CRYL1: variants seen among roughly 807,000 people sequenced by gnomAD.
CRYL1 encodes lambda-crystallin homolog.
In CRYL1, 29 loss-of-function variants were observed where a neutral mutation model predicts 36.6. The observed-to-expected ratio is 0.79, with a 90% CI of 0.59 to 1.08. CRYL1 has a LOEUF of 1.08. Among genes scored for constraint, CRYL1 ranks in the 50% least tolerant of loss-of-function variants. The pLI, the probability that CRYL1 is intolerant of heterozygous loss-of-function variation, is 0.00. For missense variants in CRYL1, 411 were observed against 407.9 expected, an observed-to-expected ratio of 1.01 and a Z score of -0.06; for synonymous variants, 152 against 151.5, an observed-to-expected ratio of 1.00 and a Z score of -0.02.
intron 4 of CRYL1, among the ~76,000 whole-genome samples, chr13:20,439,131 C>T (rs1247595166): frequency 6.6e-6 from 1 of 152,278 alleles, no homozygotes; most frequent in East Asian, 1.9e-4. Context: ...ACCAACCCTA[C>T]TCTGAATTGT....
At chr13:20,467,689 C>T (rs1453534231) in intron 3 of CRYL1, among the ~76,000 whole-genome samples, 1 of 152,166 alleles carries the variant, frequency 6.6e-6, no homozygotes, top group Non-Finnish European at 1.5e-5. Flanking sequence ...GGCGTGGTGG[C>T]ACGCGCCTGT....
At chr13:20,405,512 C>G (rs1311625786) in intron 6 of CRYL1, among the ~76,000 whole-genome samples, 1 of 152,258 alleles carries the variant, frequency 6.6e-6, no homozygotes, top group Non-Finnish European at 1.5e-5. Flanking sequence ...ACTTATGTCA[C>G]TGTTAGACCA....
rs762701216 is a variant in CRYL1, at chr13:20,432,279, G to A, written c.456C>T (p.Tyr152=). ...IVAHPVNPPY[Y]IPLVELVPHP... ...GGGGGACCAGCTCAACCAGCGGGATGTAGTATGGCGGATTCACCTTAGGAG... is the reference window on the plus strand; with the variant it reads ...GGGGGACCAGCTCAACCAGCGGGATATAGTATGGCGGATTCACCTTAGGAG... Residue 152 remains tyrosine, a synonymous_variant, in exon 5 of 8, where the codon TAC becomes TAT. Transcript: ENST00000298248. 1.2e-5 allele frequency: 20 copies of A among 1,612,214 alleles called. No homozygotes were observed. In the South Asian group the frequency reaches 1.4e-4, roughly 12 times the overall value.
At chr13:20,455,231 C>T (rs1162001139) in intron 3 of CRYL1, among the ~76,000 whole-genome samples, 1 of 152,176 alleles carries the variant, frequency 6.6e-6, no homozygotes, top group Non-Finnish European at 1.5e-5. Flanking sequence ...AAAAAAATGC[C>T]TTAAATATGC....
chr13:20,497,994 T>A (rs1298502658), intron 2 of CRYL1, among the ~76,000 whole-genome samples: 1 of 151,572 alleles, frequency 6.6e-6, no homozygotes, highest in African/African-American at 2.4e-5. Flanking sequence ...ATTGAACTTA[T>A]CACATTTTTG....
chr13:20,441,493 G>C (rs2032350346), intron 3 of CRYL1, among the ~76,000 whole-genome samples: 1 of 152,184 alleles, frequency 6.6e-6, no homozygotes, highest in Non-Finnish European at 1.5e-5. Flanking sequence ...AAGGTGCCCT[G>C]ACGGGAAATG....
intron 3 of CRYL1, among the ~76,000 whole-genome samples, chr13:20,456,011 G>C (rs187312046): frequency 1.8e-3 from 280 of 152,274 alleles, no homozygotes; most frequent in Non-Finnish European, 2.8e-3. Context: ...TCAACAAATG[G>C]TGCTGGACAA....
At chr13:20,505,538 A>C (rs1218734414) in intron 2 of CRYL1, among the ~76,000 whole-genome samples, 1 of 152,152 alleles carries the variant, frequency 6.6e-6, no homozygotes, top group East Asian at 1.9e-4. Flanking sequence ...TCAGGCTAGC[A>C]GGTTCAGGCT....
intron 6 of CRYL1, among the ~76,000 whole-genome samples, chr13:20,407,355 A>G (rs1593424288): frequency 6.6e-6 from 1 of 152,096 alleles, no homozygotes; most frequent in Non-Finnish European, 1.5e-5. Flanking sequence ...CACGACCTGC[A>G]TCTGCCTGAT....
chr13:20,513,912 T>TAAA (rs34147753), intron 1 of CRYL1, among the ~76,000 whole-genome samples: 3 of 103,782 alleles, frequency 2.9e-5, no homozygotes, highest in South Asian at 3.0e-4. Flanking sequence ...AAGAAAGTAT[T>TAAA]AAAAAAAAAA....
At chr13:20,492,961 C>A (rs778773934) in intron 2 of CRYL1, among the ~76,000 whole-genome samples, 4 of 152,172 alleles carry the variant, frequency 2.6e-5, no homozygotes, top group Non-Finnish European at 4.4e-5. Context: ...TTCCTCCCCT[C>A]CACTCAGAGT....
intron 2 of CRYL1, among the ~76,000 whole-genome samples, 178 bp from the exon 3 acceptor site, chr13:20,489,674 A>C (rs1336886124): frequency 6.6e-6 from 1 of 152,238 alleles, no homozygotes; most frequent in Non-Finnish European, 1.5e-5. Flanking sequence ...GGATGTGGAG[A>C]AACTGGAACC....
chr13:20,416,689 C>T (rs192569364), intron 5 of CRYL1, among the ~76,000 whole-genome samples: 140 of 152,240 alleles, frequency 9.2e-4, no homozygotes, highest in African/African-American at 3.3e-3. Context: ...CTTTTAGAAT[C>T]GTATTTAGTA....
chr13:20,430,591 G>A, intron 5 of CRYL1: 1 of 985,352 alleles, frequency 1.0e-6, no homozygotes, highest in Non-Finnish European at 1.2e-6. Flanking sequence ...AAACACCAGA[G>A]TCCTCCATGG....
chr13:20,482,342 T>C (rs2033294536), intron 3 of CRYL1, among the ~76,000 whole-genome samples: 1 of 152,200 alleles, frequency 6.6e-6, no homozygotes, highest in Non-Finnish European at 1.5e-5. Flanking sequence ...ATCATTCCCA[T>C]GGCTCCCACC....
chr13:20,505,474 G>A (rs2033780278), intron 2 of CRYL1, among the ~76,000 whole-genome samples: 1 of 151,846 alleles, frequency 6.6e-6, no homozygotes, highest in Admixed American at 6.6e-5. Context: ...TACCTTCGGA[G>A]ACTCTAGAAA....
chr13:20,431,721 C>G, intron 5 of CRYL1: 2 of 1,157,476 alleles, frequency 1.7e-6, no homozygotes, highest in East Asian at 6.0e-5. Context: ...GAAGTTTACA[C>G]AAAATATAAT....
chr13:20,476,617 G>A (rs925685931), intron 3 of CRYL1, among the ~76,000 whole-genome samples: 1 of 152,242 alleles, frequency 6.6e-6, no homozygotes, highest in African/African-American at 2.4e-5. Context: ...GCAGCAGGGA[G>A]CCCAAGCCGG....
intron 3 of CRYL1, among the ~76,000 whole-genome samples, chr13:20,475,934 C>T (rs1185708974): frequency 6.6e-6 from 1 of 152,212 alleles, no homozygotes; most frequent in East Asian, 1.9e-4. Flanking sequence ...TAAGTGTACT[C>T]AGTCAGTGGA....
Sources: gnomAD v4.1 joint callset for allele counts (sites outside exome capture counted in the v4.1 genomes callset) on GRCh38, gnomAD v4.1.1 for gene constraint, MANE v1.5 for transcripts, NCBI Gene and HGNC (gene_info 2026-07-23, HGNC 2026-07-21) for gene names.